The following NTRK3 variants were observed in gnomAD, a reference collection of about 807,000 sequenced individuals.
The protein encoded by NTRK3 is neurotrophic receptor tyrosine kinase 3.
Under a neutral mutation model 91.7 loss-of-function variants are expected in NTRK3, and 24 were observed. The observed-to-expected ratio is 0.26, with a 90% CI of 0.19 to 0.37. NTRK3 has a LOEUF of 0.37. Among genes scored for constraint, NTRK3 ranks in the 10% least tolerant of loss-of-function variants. NTRK3 has a pLI of 1.00. For synonymous variants in NTRK3, 483 were observed against 404.0 expected (o/e 1.20, Z -2.34); for missense variants, 880 against 1,068.9 (o/e 0.82, Z 2.46).
At chr15:88,199,501 G>A (rs1391455654) in intron 3 of NTRK3, among the ~76,000 whole-genome samples, 2 of 152,172 alleles carry the variant, frequency 1.3e-5, no homozygotes, top group African/African-American at 2.4e-5. Context: ...TCACCCTTGG[G>A]CAAGAACATT....
chr15:88,055,929 C>G (rs571396040), intron 13 of NTRK3, among the ~76,000 whole-genome samples: 8 of 152,194 alleles, frequency 5.3e-5, no homozygotes, highest in Non-Finnish European at 1.2e-4. Context: ...TCTATCTTAT[C>G]GTTCCCATTG....
At chr15:87,916,423 C>A in intron 17 of NTRK3, 1 of 678,870 alleles carries the variant, frequency 1.5e-6, no homozygotes, top group Non-Finnish European at 2.7e-6. Context: ...ACACCAGATT[C>A]AATGGTCTCC....
intron 13 of NTRK3, among the ~76,000 whole-genome samples, chr15:88,085,425 A>C (rs1432052552): frequency 6.6e-6 from 1 of 152,224 alleles, no homozygotes; most frequent in African/African-American, 2.4e-5. Context: ...TCTGCTCATC[A>C]GCTTGCATGC....
intron 3 of NTRK3, among the ~76,000 whole-genome samples, chr15:88,201,142 C>T (rs2048270254): frequency 6.6e-6 from 1 of 152,226 alleles, no homozygotes; most frequent in African/African-American, 2.4e-5. Context: ...GTCAGCCAGA[C>T]CAGTCCCAAT....
At chr15:88,103,606 T>A (rs1007421739) in intron 13 of NTRK3, among the ~76,000 whole-genome samples, 1 of 152,150 alleles carries the variant, frequency 6.6e-6, no homozygotes, top group African/African-American at 2.4e-5. Flanking sequence ...TTTCCTTCTT[T>A]GGATCAAAAT....
Position 88,226,514 on chromosome 15 carries a change from G to A in NTRK3, c.248+29392C>T, listed in dbSNP as rs77192559. Reference sequence around the variant, plus strand: ...ACACTCACTTCCTAGAGAACAGTCTGGCTTCTGAAATTTCAGACACAAATT... The same window carrying A: ...ACACTCACTTCCTAGAGAACAGTCTAGCTTCTGAAATTTCAGACACAAATT... On this transcript the variant is annotated intron_variant, in intron 3 of 18. Transcript: ENST00000394480. Among the ~76,000 whole-genome samples the A allele has an allele frequency of 3.5e-4, 54 of 152,328 alleles. 2 individuals are homozygous for A. The East Asian group carries it at 9.6e-3, about 27-fold the overall frequency.
At chr15:88,173,517 C>A (rs2045718922) in intron 5 of NTRK3, among the ~76,000 whole-genome samples, 1 of 152,240 alleles carries the variant, frequency 6.6e-6, no homozygotes, top group Non-Finnish European at 1.5e-5. Context: ...ATTCTCTATG[C>A]TAAATACCCA....
At chr15:88,158,410 T>C (rs527463749) in intron 5 of NTRK3, among the ~76,000 whole-genome samples, 6 of 152,232 alleles carry the variant, frequency 3.9e-5, no homozygotes, top group African/African-American at 1.4e-4. Flanking sequence ...TCCCCTAGGG[T>C]TGGGCTGGTG....
chr15:87,883,964 T>A (rs974832923), intron 17 of NTRK3, among the ~76,000 whole-genome samples: 1 of 138,082 alleles, frequency 7.2e-6, no homozygotes. Flanking sequence ...GAAAATATAA[T>A]TAAATTAATA....
At chr15:88,171,653 C>A (rs1371120074) in intron 5 of NTRK3, among the ~76,000 whole-genome samples, 1 of 152,146 alleles carries the variant, frequency 6.6e-6, no homozygotes, top group South Asian at 2.1e-4. Flanking sequence ...CAAAGCCCTG[C>A]AGGGTAGGAA....
chr15:88,252,337 G>C (rs1230962900), intron 3 of NTRK3, among the ~76,000 whole-genome samples: 1 of 152,080 alleles, frequency 6.6e-6, no homozygotes, highest in Non-Finnish European at 1.5e-5. Flanking sequence ...GACGGCCAAA[G>C]CCCCGAATGA....
chr15:88,050,234 C>A (rs913384986), intron 13 of NTRK3, among the ~76,000 whole-genome samples: 16 of 152,192 alleles, frequency 1.1e-4, no homozygotes, highest in Admixed American at 3.9e-4. Context: ...ACGTGTGTCC[C>A]AGGCTATAGG....
At position 87,975,006 on chromosome 15, in the gene NTRK3, G is replaced by A. The variant is rs560002472; in HGVS notation, c.1586-34253C>T. On this transcript the variant is annotated intron_variant, in intron 14 of 18. Transcript: ENST00000394480. The stretch of plus-strand genomic sequence containing the variant: ...GAGGTGTCAGGCAGTCCCCCTGTCA[G>A]TCCTGGTTCTGCCAGTTTCAAGCTG... 5.3e-5 allele frequency among the ~76,000 whole-genome samples: 8 copies of A among 152,314 alleles called. No homozygotes were observed. The South Asian group carries it at 1.4e-3, about 28-fold the overall frequency.
At chr15:88,126,459 A>C (rs1283636552) in intron 12 of NTRK3, 86 bp from the exon 13 acceptor site, 26 of 828,262 alleles carry the variant, frequency 3.1e-5, no homozygotes, top group Non-Finnish European at 5.1e-5. Context: ...AGATAAGAAC[A>C]GTCCTACTGC....
At chr15:87,887,021 AAC>A (rs1379761318) in intron 17 of NTRK3, among the ~76,000 whole-genome samples, 2 of 152,050 alleles carry the variant, frequency 1.3e-5, no homozygotes, top group African/African-American at 4.8e-5. Flanking sequence ...ATTTTTCAAT[AAC>A]AGAGTCCTAA....
At chr15:88,229,003 G>T (rs902200837) in intron 3 of NTRK3, among the ~76,000 whole-genome samples, 17 of 152,072 alleles carry the variant, frequency 1.1e-4, no homozygotes, top group African/African-American at 4.1e-4. Context: ...GACCCTATCT[G>T]CCCCTCACCA....
chr15:87,935,430 C>T (rs1596313695), intron 15 of NTRK3, among the ~76,000 whole-genome samples: 1 of 152,192 alleles, frequency 6.6e-6, no homozygotes, highest in African/African-American at 2.4e-5. Context: ...ATAGCCAGAA[C>T]AAAGACATTT....
chr15:87,952,934 G>A (rs1384482535), intron 14 of NTRK3, among the ~76,000 whole-genome samples: 1 of 151,934 alleles, frequency 6.6e-6, no homozygotes, highest in African/African-American at 2.4e-5. Context: ...CAGGGCCTGC[G>A]AGTCCCAGCC....
intron 14 of NTRK3, among the ~76,000 whole-genome samples, chr15:87,965,613 C>T (rs944892744): frequency 1.3e-5 from 2 of 152,184 alleles, no homozygotes; most frequent in African/African-American, 4.8e-5. Context: ...ACCAAAGGAC[C>T]GTGGTGTTTA....
Sources: allele counts gnomAD v4.1 joint callset (sites outside exome capture counted in the v4.1 genomes callset), GRCh38; gene constraint gnomAD v4.1.1; transcripts MANE v1.5; gene names NCBI Gene and HGNC (gene_info 2026-07-23, HGNC 2026-07-21).